NCKIPSD: variants seen among roughly 807,000 people sequenced by gnomAD.
NCKIPSD encodes NCK-interacting protein with SH3 domain.
A neutral mutation model predicts 73.4 loss-of-function variants in NCKIPSD; 48 were observed. The observed-to-expected ratio is 0.65, with a 90% CI of 0.52 to 0.83. The LOEUF (loss-of-function observed/expected upper bound fraction) is 0.83, where lower values mean the gene tolerates loss of function less well. Ranked by LOEUF, NCKIPSD falls within the 40% of genes least tolerant of loss-of-function variation. The pLI, the probability that NCKIPSD is intolerant of heterozygous loss-of-function variation, is 0.00. For missense variants in NCKIPSD, 884 were observed against 970.2 expected (o/e 0.91, Z 1.18); for synonymous variants, 422 against 403.6 (o/e 1.05, Z -0.54).
At chr3:48,679,296 G>A (rs2077307801) in intron 9 of NCKIPSD, 81 bp downstream of exon 9, 3 of 1,611,216 alleles carry the variant, frequency 1.9e-6, no homozygotes, top group African/African-American at 1.3e-5. Context: ...GCTAGGCTGT[G>A]TAGTCAGCAG....
chr3:48,681,231 T>C (rs1404637887), intron 5 of NCKIPSD, 56 bp downstream of exon 5: 20 of 1,516,278 alleles, frequency 1.3e-5, no homozygotes, highest in Non-Finnish European at 1.8e-5. Flanking sequence ...GACAAGTGTG[T>C]GACGGTGGGA....
intron 8 of NCKIPSD, 24 bp from the exon 9 acceptor site, chr3:48,679,481 CAG>C: frequency 1.9e-6 from 3 of 1,607,222 alleles, no homozygotes; most frequent in Non-Finnish European, 2.6e-6. Flanking sequence ...GGCAGGCAGT[CAG>C]AGTCCCCAAA....
At position 48,682,119 on chromosome 3, in the gene NCKIPSD, C is replaced by T. The variant is rs535977067; in HGVS notation, c.524G>A (p.Arg175His). The T allele has an allele frequency of 1.2e-5, 19 of 1,600,374 alleles. No individual in the cohort carries two copies. The Admixed American group carries it at 1.5e-4, about 13-fold the overall frequency. Residue 175 changes from arginine (R) to histidine (H), a missense_variant, in exon 4 of 13, where the codon CGC becomes CAC. Arg to His is a conservative substitution (Grantham distance 29). Transcript: ENST00000294129. ...GGGCGGTGTGGTGGGTGCTGCTCGG[C>T]GAGGCTGTGGTGGGATCTGGGAAGA... is the stretch of plus-strand genomic sequence containing the variant. The part of the protein sequence containing the change: ...LPSSQIPPQP[R>H]RAAPTTPPPP...
rs766863245 is a variant in NCKIPSD, at chr3:48,679,942, G to A, written c.1264-55C>T. 3.7e-5 allele frequency: 60 copies of A among 1,611,688 alleles called. No individual in the cohort carries two copies. The Middle Eastern group carries it at 6.6e-4, about 18-fold the overall frequency. On this transcript the variant is annotated intron_variant, in intron 6 of 12. Coordinates refer to ENST00000294129, the MANE Select transcript of NCKIPSD (RefSeq NM_016453.4). ...CCACCATGAGCGGAGCTGTGCAGCCGCACAAGAGAGGGCTGAGCACATATG... is the reference window on the plus strand; with the variant it reads ...CCACCATGAGCGGAGCTGTGCAGCCACACAAGAGAGGGCTGAGCACATATG...
rs1368202322 is a variant in NCKIPSD, at chr3:48,674,204, G to T, written c.*340C>A. 8.1e-7 allele frequency: 1 copy of T among 1,230,298 alleles called. No individual in the cohort carries two copies. Among genetic ancestry groups the T allele is most frequent in the South Asian group, 2.1e-5 (1 of 47,046 alleles). 76.2% of individuals were successfully genotyped at this position (1,230,298 alleles called of 1,614,324 possible). On this transcript the variant is annotated 3_prime_UTR_variant, in exon 13 of 13. Transcript: ENST00000294129. ...CTGAGGCCCAGGATACAGACCAGGA[G>T]GGGTGGGGATGGGGGTCTGGTCCAG... is the stretch of plus-strand genomic sequence containing the variant.
rs13087168 is a variant in NCKIPSD at position 48,679,633 on chromosome 3, C to T, written c.1431G>A (p.Thr477=). 6.6e-4 allele frequency: 1,059 copies of T among 1,614,054 alleles called. 1 individual carries two copies. The highest frequency in any genetic ancestry group is 8.5e-4 in the Non-Finnish European group (1,000 of 1,180,040). ...MCSLDAAIIS[T]LVSSVLPVEL... is the part of the protein sequence containing the mutation. ...CTACAGGCAGCACGGATGACACAAGCGTGGAGATGATGGCTGCATCCAGGC... is the reference window on the plus strand; with the variant it reads ...CTACAGGCAGCACGGATGACACAAGTGTGGAGATGATGGCTGCATCCAGGC... Residue 477 remains threonine, a synonymous_variant, in exon 8 of 13, where the codon ACG becomes ACA. Coordinates refer to ENST00000294129, the MANE Select transcript of NCKIPSD (RefSeq NM_016453.4).
rs74970721 is a variant in NCKIPSD, at chr3:48,677,660, C to G, written c.1965+904G>C. ...TGTGTGGTGAATCCAATGGCCAACCCCAGTCTCGCTCAGGCTCCTAACGGT... is the reference window on the plus strand; with the variant it reads ...TGTGTGGTGAATCCAATGGCCAACCGCAGTCTCGCTCAGGCTCCTAACGGT... On this transcript the variant is annotated intron_variant, in intron 12 of 12. Transcript: ENST00000294129. Among the ~76,000 whole-genome samples, 13 of 152,286 alleles carry G rather than the reference C, an allele frequency of 8.5e-5. 1 individual carries two copies. In the East Asian group the frequency reaches 1.7e-3, roughly 20 times the overall value.
At position 48,683,979 on chromosome 3, in the gene NCKIPSD, GACACAC is replaced by G. The variant is rs545029045; in HGVS notation, c.172-973_172-968del. ...AGACAGGGGGATAGAAAGACATGAA[GACACAC>G]ACACACACACACACACACACACACA... On this transcript the variant is annotated intron_variant, in intron 1 of 12. Transcript: ENST00000294129. Among the ~76,000 whole-genome samples the G allele has an allele frequency of 3.4e-3, 449 of 131,194 alleles. 3 individuals carry two copies. Among genetic ancestry groups the G allele is most frequent in the African/African-American group, 9.1e-3 (304 of 33,486 alleles). 86.1% of individuals were successfully genotyped at this position (131,194 alleles called of 152,430 possible).
At chr3:48,682,633 C>T in intron 2 of NCKIPSD, 81 bp from the exon 3 acceptor site, 1 of 1,488,768 alleles carries the variant, frequency 6.7e-7, no homozygotes, top group Non-Finnish European at 9.2e-7. Context: ...GATGCTGGGA[C>T]CCCATAGCCC....
In NCKIPSD at chr3:48,678,943, C is replaced by A. The variant is rs1419101976; in HGVS notation, c.1726G>T (p.Ala576Ser). ...TTGACATTGGCGTGTTTGCTCAGGG[C>A]AGCCATGATGACATTCTGGTCAGCA... ...PAADQNVIMA[A>S]LSKHANVKIF... The change falls in exon 11 of 13, where the codon GCC becomes TCC. Residue 576 changes from alanine to serine, a missense_variant. Coordinates refer to ENST00000294129, the MANE Select transcript of NCKIPSD (RefSeq NM_016453.4). The A allele has an allele frequency of 6.2e-7, 1 of 1,614,064 alleles. No homozygotes were observed. The highest frequency in any genetic ancestry group is 8.5e-7 in the Non-Finnish European group (1 of 1,180,008).
At position 48,681,747 on chromosome 3, in the gene NCKIPSD, G is replaced by C. The variant is rs1234261388; in HGVS notation, c.632C>G (p.Ser211Cys). 6.5e-7 allele frequency: 1 copy of C among 1,527,974 alleles called. No individual in the cohort carries two copies. Among genetic ancestry groups the C allele is most frequent in the Non-Finnish European group, 8.8e-7 (1 of 1,138,920 alleles). The allele number at this position is 1,527,974 out of a possible 1,614,324, so 94.7% of individuals were successfully genotyped here. A position where few individuals can be genotyped will look rare whatever the true frequency, so the allele number is the denominator to read the frequency against. ...GHNTMPSGGN[S>C]VSSGSSVSST... ...GCTGACTGAGGAGCCGCTGGACACA[G>C]AGTTACCCCCGGAGGGCATGGTGTT... Residue 211 changes from serine (S) to cysteine (C), a missense_variant, in exon 5 of 13, where the codon TCT becomes TGT. Ser to Cys is a moderately radical substitution (Grantham distance 112, BLOSUM62 -1). Transcript: ENST00000294129.
rs760958230 is a variant in NCKIPSD, at chr3:48,681,758, G to A, written c.621C>T (p.Ser207=). The change falls in exon 5 of 13, where the codon TCC becomes TCT. Residue 207 remains serine, a synonymous_variant. Transcript: ENST00000294129. Reference sequence around the variant, plus strand: ...AGCCGCTGGACACAGAGTTACCCCCGGAGGGCATGGTGTTGTGGCCACCTG... The same window carrying A: ...AGCCGCTGGACACAGAGTTACCCCCAGAGGGCATGGTGTTGTGGCCACCTG... ...SGSGGHNTMP[S]GGNSVSSGSS... The A allele has an allele frequency of 1.2e-4, 188 of 1,514,114 alleles. No homozygotes were observed. The highest frequency in any genetic ancestry group is 1.6e-4 in the Non-Finnish European group (176 of 1,132,862). 93.8% of individuals were successfully genotyped at this position (1,514,114 alleles called of 1,614,324 possible).
intron 12 of NCKIPSD, among the ~76,000 whole-genome samples, chr3:48,677,068 C>T (rs1322435577): frequency 2.6e-5 from 4 of 151,126 alleles, no homozygotes; most frequent in African/African-American, 7.3e-5. Flanking sequence ...TGAGCCACCG[C>T]GCCTGGCCAA....
At chr3:48,676,933 G>C (rs988922827) in intron 12 of NCKIPSD, among the ~76,000 whole-genome samples, 3 of 151,440 alleles carry the variant, frequency 2.0e-5, no homozygotes, top group Non-Finnish European at 4.4e-5. Context: ...ACCATACCCA[G>C]CTAATTTTTG....
chr3:48,674,367 T>C lies in NCKIPSD; in HGVS notation c.*177A>G. On this transcript the variant is annotated 3_prime_UTR_variant, in exon 13 of 13. Transcript: ENST00000294129. ...CTGCCCCAGAACAGCTCCCAGACCA[T>C]GGTCCCCAATCCTACACTTGGCCCC... The C allele has an allele frequency of 2.1e-6, 3 of 1,438,992 alleles. No homozygotes were observed. The highest frequency in any genetic ancestry group is 1.8e-6 in the Non-Finnish European group (2 of 1,099,220). The allele number at this position is 1,438,992 out of a possible 1,614,324, so 89.1% of individuals were successfully genotyped here. A position where few individuals can be genotyped will look rare whatever the true frequency, so the allele number is the denominator to read the frequency against.
chr3:48,685,557 G>T, intron 1 of NCKIPSD, 80 bp downstream of exon 1: 1 of 1,433,892 alleles, frequency 7.0e-7, no homozygotes, highest in Non-Finnish European at 9.1e-7. Flanking sequence ...AGAGGGTGGG[G>T]TCCCTGGGTC....
In NCKIPSD at chr3:48,681,752, A is replaced by G. The variant is rs984704655; in HGVS notation, c.627T>C (p.Gly209=). ...SGGHNTMPSG[G]NSVSSGSSVS... ...CTGAGGAGCCGCTGGACACAGAGTT[A>G]CCCCCGGAGGGCATGGTGTTGTGGC... The change falls in exon 5 of 13, where the codon GGT becomes GGC. Residue 209 remains glycine, a synonymous_variant. Coordinates refer to ENST00000294129, the MANE Select transcript of NCKIPSD (RefSeq NM_016453.4). The G allele has an allele frequency of 1.3e-6, 2 of 1,517,496 alleles. No individual in the cohort carries two copies. The highest frequency in any genetic ancestry group is 8.8e-7 in the Non-Finnish European group (1 of 1,134,266). The allele number at this position is 1,517,496 out of a possible 1,614,324, so 94.0% of individuals were successfully genotyped here.
Position 48,678,552 on chromosome 3 carries a change from AC to A in NCKIPSD, c.1965+11del, listed in dbSNP as rs1333431175. On this transcript the variant is annotated intron_variant, in intron 12 of 12. Transcript: ENST00000294129. ...CACAGTGACCCCCGCTGCTGCAGCC[AC>A]CTCCAGGCACCTTGTCTCCTGGTGA... The A allele has an allele frequency of 1.2e-6, 2 of 1,600,030 alleles. No homozygotes were observed. Among genetic ancestry groups the A allele is most frequent in the Admixed American group, 3.4e-5 (2 of 58,526 alleles).
In NCKIPSD at chr3:48,683,979, GACACACACAC is replaced by G. The variant is rs545029045; in HGVS notation, c.172-977_172-968del. Among the ~76,000 whole-genome samples the G allele has an allele frequency of 3.3e-3, 433 of 131,188 alleles. 3 individuals carry two copies. The highest frequency in any genetic ancestry group is 0.02 in the Admixed American group (262 of 13,004). The allele number at this position is 131,188 out of a possible 152,430, so 86.1% of individuals were successfully genotyped here. ...AGACAGGGGGATAGAAAGACATGAAGACACACACACACACACACACACACACACACACACA... is the reference window on the plus strand; with the variant it reads ...AGACAGGGGGATAGAAAGACATGAAGACACACACACACACACACACACACA... On this transcript the variant is annotated intron_variant, in intron 1 of 12. Coordinates refer to ENST00000294129, the MANE Select transcript of NCKIPSD (RefSeq NM_016453.4).
Sources: gnomAD v4.1 joint callset for allele counts (sites outside exome capture counted in the v4.1 genomes callset) on GRCh38, gnomAD v4.1.1 for gene constraint, MANE v1.5 for transcripts, NCBI Gene and HGNC (gene_info 2026-07-23, HGNC 2026-07-21) for gene names.